The following PALM2AKAP2 variants were observed in gnomAD, a reference collection of about 807,000 sequenced individuals.
PALM2AKAP2 encodes PALM2-AKAP2 fusion protein.
Under a neutral mutation model 71.5 loss-of-function variants are expected in PALM2AKAP2, and 37 were observed. The observed-to-expected ratio is 0.52, with a 90% confidence interval of 0.40 to 0.68. The LOEUF is 0.68. Among genes scored for constraint, PALM2AKAP2 ranks in the 30% least tolerant of loss-of-function variants. The pLI, the probability that PALM2AKAP2 is intolerant of heterozygous loss-of-function variation, is 0.00. For synonymous variants in PALM2AKAP2, 468 were observed against 478.8 expected, an observed-to-expected ratio of 0.98 and a Z score of 0.29; for missense variants, 1,224 against 1,191.8, an observed-to-expected ratio of 1.03 and a Z score of -0.40.
chr9:109,774,852 G>A (rs190452693), intron 1 of PALM2AKAP2, among the ~76,000 whole-genome samples: 1 of 152,276 alleles, frequency 6.6e-6, no homozygotes, highest in East Asian at 1.9e-4. Context: ...CCCTGTGAGA[G>A]GGCTGAGATT....
At chr9:109,644,433 ACTT>A (rs1827118399) in intron 1 of PALM2AKAP2, among the ~76,000 whole-genome samples, 1 of 152,120 alleles carries the variant, frequency 6.6e-6, no homozygotes, top group African/African-American at 2.4e-5. Flanking sequence ...AATTAAATTC[ACTT>A]CTTTTATGTT....
At chr9:109,980,424 C>T (rs1832249935) in intron 6 of PALM2AKAP2, among the ~76,000 whole-genome samples, 1 of 152,158 alleles carries the variant, frequency 6.6e-6, no homozygotes, top group East Asian at 1.9e-4. Context: ...AGAATTTATA[C>T]AAGGGCTTTG....
chr9:110,028,328 C>T (rs1177405369), intron 7 of PALM2AKAP2, among the ~76,000 whole-genome samples: 3 of 151,836 alleles, frequency 2.0e-5, no homozygotes, highest in East Asian at 3.9e-4. Flanking sequence ...AAGGAATATT[C>T]GTGGCAAGTG....
At chr9:109,645,191 A>G (rs1464264485) in intron 1 of PALM2AKAP2, among the ~76,000 whole-genome samples, 1 of 152,224 alleles carries the variant, frequency 6.6e-6, no homozygotes, top group East Asian at 1.9e-4. Flanking sequence ...GAAGCCTCAC[A>G]ATCATGGCAG....
intron 1 of PALM2AKAP2, among the ~76,000 whole-genome samples, chr9:109,761,980 C>A (rs1829061282): frequency 6.6e-6 from 1 of 152,114 alleles, no homozygotes; most frequent in Non-Finnish European, 1.5e-5. Flanking sequence ...GTCAAAACCA[C>A]AATGAGATAC....
chr9:110,057,390 T>TTTTTTTTTTTTTTG (rs1564282927), intron 1 of PALM2AKAP2, among the ~76,000 whole-genome samples: 1 of 73,888 alleles, frequency 1.4e-5, no homozygotes. Flanking sequence ...TGTTTTTTTG[T>TTTTTTTTTTTTTTG]TTTTTTTTTT....
intron 1 of PALM2AKAP2, among the ~76,000 whole-genome samples, chr9:110,050,683 A>G (rs911727721): frequency 7.3e-5 from 11 of 151,432 alleles, no homozygotes; most frequent in Non-Finnish European, 1.5e-4. Flanking sequence ...GCTGGAGTGC[A>G]ATGGCATGAT....
At chr9:110,063,446 T>G (rs1056182028) in intron 1 of PALM2AKAP2, among the ~76,000 whole-genome samples, 1 of 151,622 alleles carries the variant, frequency 6.6e-6, no homozygotes, top group Admixed American at 6.6e-5. Flanking sequence ...TCTATTTTTT[T>G]TTTTTTTTTT....
At chr9:110,109,774 G>A (rs983553546) in intron 1 of PALM2AKAP2, among the ~76,000 whole-genome samples, 7 of 152,096 alleles carry the variant, frequency 4.6e-5, no homozygotes, top group African/African-American at 1.7e-4. Flanking sequence ...ACAGATACAG[G>A]AAAAGGGTGC....
chr9:110,022,570 A>C (rs59316185), intron 7 of PALM2AKAP2, among the ~76,000 whole-genome samples: 5 of 143,834 alleles, frequency 3.5e-5, no homozygotes, highest in South Asian at 2.2e-4. Flanking sequence ...CTTTATTTTT[A>C]TTTTATTTTA....
upstream of PALM2AKAP2, among the ~76,000 whole-genome samples, chr9:110,045,508 T>C (rs970637992): frequency 6.6e-6 from 1 of 152,204 alleles, no homozygotes; most frequent in Non-Finnish European, 1.5e-5. Flanking sequence ...CGCAGTTTCC[T>C]TGGCCCTGCC....
At chr9:109,740,824 T>G (rs1216446999) in intron 1 of PALM2AKAP2, among the ~76,000 whole-genome samples, 1 of 152,112 alleles carries the variant, frequency 6.6e-6, no homozygotes, top group African/African-American at 2.4e-5. Context: ...CAGCTAATTT[T>G]GGTATTTTTG....
chr9:110,165,232 A>C (rs1836705670), intron 3 of PALM2AKAP2, among the ~76,000 whole-genome samples: 1 of 151,424 alleles, frequency 6.6e-6, no homozygotes, highest in Admixed American at 6.6e-5. Context: ...TAGAAAGTGA[A>C]GTTAATATGC....
At chr9:109,773,765 T>G (rs1000360216) in intron 1 of PALM2AKAP2, among the ~76,000 whole-genome samples, 2 of 134,458 alleles carry the variant, frequency 1.5e-5, no homozygotes, top group African/African-American at 6.0e-5. Flanking sequence ...TTCATTCCAC[T>G]CTACCATGAG....
intron 1 of PALM2AKAP2, among the ~76,000 whole-genome samples, chr9:109,753,286 G>A (rs915117603): frequency 6.6e-6 from 1 of 152,116 alleles, no homozygotes; most frequent in Admixed American, 6.6e-5. Context: ...AGGGATCAAG[G>A]CTTTAGGGAA....
chr9:110,171,789 G>GT (rs1321831266), exon 4 of PALM2AKAP2: 1 of 152,626 alleles, frequency 6.6e-6, no homozygotes, highest in African/African-American at 2.4e-5. Flanking sequence ...TTCTGTAGGT[G>GT]TTAAAAGCCT....
intron 1 of PALM2AKAP2, among the ~76,000 whole-genome samples, chr9:109,643,761 C>T (rs373460284): frequency 4.6e-5 from 7 of 152,162 alleles, no homozygotes; most frequent in Non-Finnish European, 8.8e-5. Flanking sequence ...TGCCCTACTT[C>T]GTTTGCTTCC....
rs115179780 is a variant in PALM2AKAP2 at position 109,818,209 on chromosome 9, G to A, written c.45+37676G>A. The stretch of plus-strand genomic sequence containing the variant: ...CAGAAAAGGTATAAATAAGCCTTTC[G>A]AAAAATGTACTTGCTACACAATCTC... On this transcript the variant is annotated intron_variant, in intron 1 of 9. Coordinates refer to the PALM2AKAP2 transcript ENST00000302798. Among the ~76,000 whole-genome samples, 366 of 152,108 alleles carry A rather than the reference G, an allele frequency of 2.4e-3. 1 individual carries two copies. The highest frequency in any genetic ancestry group is 8.4e-3 in the African/African-American group (349 of 41,522).
At chr9:109,744,108 A>G (rs933051232) in intron 1 of PALM2AKAP2, among the ~76,000 whole-genome samples, 1 of 152,212 alleles carries the variant, frequency 6.6e-6, no homozygotes, top group Admixed American at 6.5e-5. Context: ...TAGAGTCAAC[A>G]AATAACTGAA....
Sources: allele counts gnomAD v4.1 joint callset (sites outside exome capture counted in the v4.1 genomes callset), GRCh38; gene constraint gnomAD v4.1.1; transcripts MANE v1.5; gene names NCBI Gene and HGNC (gene_info 2026-07-23, HGNC 2026-07-21).